The following SPIN1 variants were observed in gnomAD, a reference collection of about 807,000 sequenced individuals.
The protein encoded by SPIN1 is spindlin 1, also known as spindlin-1.
SPIN1 carries 3 observed loss-of-function variants against 26.0 expected under a neutral mutation model. The ratio of observed to expected loss-of-function variants is 0.12; its 90% CI spans 0.05 to 0.30. SPIN1 has a LOEUF of 0.30. Ranked by LOEUF, SPIN1 falls within the 10% of genes least tolerant of loss-of-function variation. The pLI is 1.00. For missense variants in SPIN1, 126 were observed against 333.4 expected (o/e 0.38, Z 4.84); for synonymous variants, 101 against 116.5 (o/e 0.87, Z 0.86).
chr9:88,474,893 A>C (rs1413138091), intron 5 of SPIN1, among the ~76,000 whole-genome samples, 185 bp from the exon 6 acceptor site: 1 of 152,192 alleles, frequency 6.6e-6, no homozygotes, highest in African/African-American at 2.4e-5. Context: ...CCTAAGCCTG[A>C]AATATTTACT....
At chr9:88,460,331 GA>G (rs891011667) in intron 3 of SPIN1, among the ~76,000 whole-genome samples, 1 of 151,712 alleles carries the variant, frequency 6.6e-6, no homozygotes, top group Non-Finnish European at 1.5e-5. Flanking sequence ...CTTAATTTCT[GA>G]AAAAAAATTT....
chr9:88,465,291 A>G (rs989458368), intron 4 of SPIN1, among the ~76,000 whole-genome samples: 13 of 152,338 alleles, frequency 8.5e-5, no homozygotes, highest in Middle Eastern at 3.4e-3. Flanking sequence ...ATATAGGCAC[A>G]GGAGTGGGAT....
intron 1 of SPIN1, among the ~76,000 whole-genome samples, chr9:88,405,282 G>A (rs976170331): frequency 6.6e-6 from 1 of 152,082 alleles, no homozygotes; most frequent in Non-Finnish European, 1.5e-5. Context: ...AGGCTGGAGT[G>A]CAGTGGCAGG....
chr9:88,414,411 C>T (rs969928595), intron 1 of SPIN1, among the ~76,000 whole-genome samples: 5 of 152,204 alleles, frequency 3.3e-5, no homozygotes, highest in African/African-American at 1.2e-4. Context: ...TGCCCTGTCC[C>T]TCTCAGGACA....
intron 1 of SPIN1, among the ~76,000 whole-genome samples, chr9:88,415,096 G>C (rs1054115612): frequency 3.9e-5 from 6 of 151,946 alleles, no homozygotes; most frequent in Non-Finnish European, 7.4e-5. Context: ...AGTAGAGATG[G>C]GGTTTCACCG....
At chr9:88,423,459 G>C (rs1827709472) in intron 1 of SPIN1, among the ~76,000 whole-genome samples, 1 of 151,376 alleles carries the variant, frequency 6.6e-6, no homozygotes, top group Non-Finnish European at 1.5e-5. Context: ...TGTTTGTTTT[G>C]TGACAGTCTT....
chr9:88,396,640 G>T (rs554567875), intron 1 of SPIN1, among the ~76,000 whole-genome samples: 1 of 152,140 alleles, frequency 6.6e-6, no homozygotes, highest in South Asian at 2.1e-4. Context: ...GCTTTCCAGT[G>T]CCTTAAGGAC....
At chr9:88,402,290 G>C (rs538729128) in intron 1 of SPIN1, among the ~76,000 whole-genome samples, 1 of 152,228 alleles carries the variant, frequency 6.6e-6, no homozygotes, top group Non-Finnish European at 1.5e-5. Flanking sequence ...ACTGCGCCTC[G>C]TTGAGTATTT....
At chr9:88,404,777 G>A (rs1402100972) in intron 1 of SPIN1, among the ~76,000 whole-genome samples, 1 of 151,844 alleles carries the variant, frequency 6.6e-6, no homozygotes, top group Non-Finnish European at 1.5e-5. Context: ...GTAGCCGGGC[G>A]TAGTGGCAGG....
At chr9:88,437,127 T>G (rs1008986186) in intron 2 of SPIN1, among the ~76,000 whole-genome samples, 2 of 152,226 alleles carry the variant, frequency 1.3e-5, no homozygotes, top group African/African-American at 4.8e-5. Context: ...ATCTACTGTT[T>G]GGATGCACAA....
intron 1 of SPIN1, among the ~76,000 whole-genome samples, chr9:88,406,005 C>CTGTGTGTGTGTGTGTGTGTG (rs745317937): frequency 9.7e-6 from 1 of 103,302 alleles, no homozygotes; most frequent in Non-Finnish European, 1.8e-5. Flanking sequence ...GCTTGTGTGT[C>CTGTGTGTGTGTGTGTGTGTG]TGTGTGTGTG....
intron 1 of SPIN1, among the ~76,000 whole-genome samples, chr9:88,406,158 A>C (rs1827305765): frequency 6.6e-6 from 1 of 151,982 alleles, no homozygotes; most frequent in East Asian, 1.9e-4. Flanking sequence ...GATGTGAGCC[A>C]CTGTGCCTGG....
chr9:88,396,583 C>G (rs1827064201), intron 1 of SPIN1, among the ~76,000 whole-genome samples: 1 of 152,132 alleles, frequency 6.6e-6, no homozygotes, highest in Non-Finnish European at 1.5e-5. Context: ...GACTGGGCAA[C>G]AGAGTGAGAC....
intron 3 of SPIN1, among the ~76,000 whole-genome samples, chr9:88,450,756 G>C (rs1042742289): frequency 2.0e-5 from 3 of 152,232 alleles, no homozygotes; most frequent in Admixed American, 6.5e-5. Flanking sequence ...AGGAAAAGTT[G>C]TGAGTCCCAT....
intron 1 of SPIN1, among the ~76,000 whole-genome samples, chr9:88,388,970 G>T (rs1235414816): frequency 3.3e-5 from 5 of 151,176 alleles, no homozygotes; most frequent in African/African-American, 1.2e-4. Flanking sequence ...AGGCGGGGAG[G>T]GGGAACGTTG....
intron 1 of SPIN1, among the ~76,000 whole-genome samples, chr9:88,395,961 C>T (rs1827046079): frequency 6.6e-6 from 1 of 151,688 alleles, no homozygotes; most frequent in Non-Finnish European, 1.5e-5. Context: ...GCAAGAGAAT[C>T]ACTTGAACCT....
chr9:88,404,933 A>AC (rs200869769), intron 1 of SPIN1, among the ~76,000 whole-genome samples: 5,070 of 145,860 alleles, frequency 0.035, 313 homozygotes, highest in African/African-American at 0.13. Context: ...AAAAAAACAA[A>AC]AAAAAAAAAA....
chr9:88,454,154 A>T (rs1045743162), intron 3 of SPIN1, among the ~76,000 whole-genome samples: 3 of 152,194 alleles, frequency 2.0e-5, no homozygotes, highest in Non-Finnish European at 4.4e-5. Context: ...TTTGTTTTAC[A>T]GTATTGCTCT....
intron 2 of SPIN1, among the ~76,000 whole-genome samples, chr9:88,448,463 C>A (rs10122804): frequency 0.054 from 8,208 of 152,176 alleles, 715 homozygotes; most frequent in African/African-American, 0.19. Context: ...GCACTCCCCC[C>A]ACCTCAGCCT....
Sources: gnomAD v4.1 joint callset for allele counts (sites outside exome capture counted in the v4.1 genomes callset) on GRCh38, gnomAD v4.1.1 for gene constraint, MANE v1.5 for transcripts, NCBI Gene and HGNC (gene_info 2026-07-23, HGNC 2026-07-21) for gene names.